DMD: variants seen among roughly 807,000 people sequenced by gnomAD.
DMD encodes dystrophin.
A neutral mutation model predicts 330.1 loss-of-function variants in DMD; 63 were observed. That is an observed-to-expected ratio of 0.19 (90% CI 0.16 to 0.24). The LOEUF is 0.24. Ranked by LOEUF, DMD falls within the 10% of genes least tolerant of loss-of-function variation. DMD has a pLI of 1.00. For synonymous variants in DMD, 1,223 were observed against 959.8 expected (o/e 1.27, Z -5.07); for missense variants, 3,344 against 2,684.1 (o/e 1.25, Z -5.43).
At chrX:32,937,838 T>C (rs1319673649) in intron 2 of DMD, among the ~76,000 whole-genome samples, 2 of 110,890 alleles carry the variant, frequency 1.8e-5, no homozygotes, top group Non-Finnish European at 3.8e-5. Flanking sequence ...TATAGATTTC[T>C]GGAGTAAAAC....
At chrX:33,074,884 T>C (rs2094815169) in intron 1 of DMD, among the ~76,000 whole-genome samples, 1 of 112,034 alleles carries the variant, frequency 8.9e-6, no homozygotes, top group Non-Finnish European at 1.9e-5. Flanking sequence ...AAGCTGCTCT[T>C]AATTATTCCT....
At chrX:32,504,636 T>A (rs2044429774) in intron 18 of DMD, among the ~76,000 whole-genome samples, 2 of 110,793 alleles carry the variant, frequency 1.8e-5, no homozygotes, top group South Asian at 7.6e-4. Flanking sequence ...CAAAAATAAA[T>A]AAATAAAATA....
intron 3 of DMD, among the ~76,000 whole-genome samples, chrX:32,848,381 C>CGTGTGT (rs1472619095): frequency 2.7e-4 from 30 of 111,763 alleles, no homozygotes; most frequent in Non-Finnish European, 5.3e-4. Context: ...GAATTACACA[C>CGTGTGT]AAATCTATCT....
intron 21 of DMD, among the ~76,000 whole-genome samples, chrX:32,483,876 AT>A (rs1184432037): frequency 2.9e-5 from 3 of 105,030 alleles, no homozygotes; most frequent in African/African-American, 1.0e-4. Context: ...AGCTCATTTC[AT>A]TTTTGTAAAA....
At position 32,852,340 on chromosome X, in the gene DMD, C is replaced by T. The variant is rs758281330; in HGVS notation, c.94-2520G>A. Among the ~76,000 whole-genome samples the T allele has an allele frequency of 5.4e-5, 6 of 111,407 alleles. No homozygotes were observed. The South Asian group carries it at 1.9e-3, about 36-fold the overall frequency. On this transcript the variant is annotated intron_variant, in intron 2 of 78. Coordinates refer to ENST00000357033, the MANE Select transcript of DMD (RefSeq NM_004006.3). Reference sequence around the variant, plus strand: ...AGAAGAATCCAGTCCTGGTAGAATTCGTCACCTGCTGACTAAAGAGTCCCT... The same window carrying T: ...AGAAGAATCCAGTCCTGGTAGAATTTGTCACCTGCTGACTAAAGAGTCCCT...
intron 21 of DMD, among the ~76,000 whole-genome samples, chrX:32,480,383 T>C (rs1338352960): frequency 9.2e-6 from 1 of 108,358 alleles, no homozygotes; most frequent in Non-Finnish European, 1.9e-5. Context: ...AATGTGTGTG[T>C]GTGTGTGTGT....
intron 44 of DMD, among the ~76,000 whole-genome samples, chrX:32,215,123 A>G (rs2097107642): frequency 9.0e-6 from 1 of 111,703 alleles, no homozygotes; most frequent in East Asian, 2.8e-4. Flanking sequence ...GGGATTAGCC[A>G]TAGATTAGAC....
intron 2 of DMD, among the ~76,000 whole-genome samples, chrX:32,876,391 C>T (rs747275707): frequency 2.7e-5 from 3 of 111,909 alleles, no homozygotes; most frequent in Non-Finnish European, 3.8e-5. Context: ...TTTCCTAAAC[C>T]GTTCTTGTAA....
At chrX:31,141,063 G>A (rs1293172951) in intron 76 of DMD, among the ~76,000 whole-genome samples, 3 of 110,993 alleles carry the variant, frequency 2.7e-5, no homozygotes, top group South Asian at 3.9e-4. Context: ...GCATGGTGGC[G>A]AGCCTGTAAT....
At chrX:31,475,354 T>A (rs1237427496) in intron 59 of DMD, among the ~76,000 whole-genome samples, 3 of 111,816 alleles carry the variant, frequency 2.7e-5, no homozygotes, top group Non-Finnish European at 5.6e-5. Context: ...GAAGGCCAGC[T>A]GATACTTGAA....
chrX:32,592,106 A>G (rs1055515382), intron 13 of DMD, among the ~76,000 whole-genome samples: 2 of 111,344 alleles, frequency 1.8e-5, no homozygotes, highest in Non-Finnish European at 3.8e-5. Context: ...TGCCTAGGCT[A>G]CATGGATGGC....
intron 67 of DMD, among the ~76,000 whole-genome samples, chrX:31,198,017 G>A (rs2043071907): frequency 1.3e-5 from 1 of 77,015 alleles, no homozygotes; most frequent in African/African-American, 4.7e-5. Context: ...ACTCATGTGT[G>A]GGAGCTAAAA....
intron 52 of DMD, among the ~76,000 whole-genome samples, chrX:31,712,719 T>C (rs758787258): frequency 9.0e-6 from 1 of 111,367 alleles, no homozygotes; most frequent in African/African-American, 3.3e-5. Flanking sequence ...TCAGGACTTA[T>C]GCTGTGTAAG....
In DMD at chrX:31,951,143, GTA is replaced by G. The variant is rs796324072; in HGVS notation, c.6614+17194_6614+17195del. On this transcript the variant is annotated intron_variant, in intron 45 of 78. Transcript: ENST00000357033. Reference sequence around the variant, plus strand: ...TATACATATATATATATATATATGTGTATATATATATATATGTATATATATAT... The same window carrying G: ...TATACATATATATATATATATATGTGTATATATATATATGTATATATATAT... 6.6e-3 allele frequency among the ~76,000 whole-genome samples: 490 copies of G among 74,277 alleles called. 4 individuals carry two copies. Among genetic ancestry groups the G allele is most frequent in the East Asian group, 0.043 (118 of 2,774 alleles). 64.5% of individuals were successfully genotyped at this position (74,277 alleles called of 115,157 possible).
intron 9 of DMD, among the ~76,000 whole-genome samples, chrX:32,679,247 A>G (rs1223851421): frequency 1.8e-5 from 2 of 111,620 alleles, no homozygotes; most frequent in Non-Finnish European, 3.8e-5. Flanking sequence ...CCACAGGGGA[A>G]GTTAATAGAA....
chrX:32,879,018 CAAA>C (rs1201402428), intron 2 of DMD, among the ~76,000 whole-genome samples: 1 of 95,332 alleles, frequency 1.0e-5, no homozygotes, highest in Admixed American at 1.1e-4. Context: ...AAAAAAAAAA[CAAA>C]AAACAAAAAA....
At chrX:32,232,453 T>C (rs909762723) in intron 43 of DMD, among the ~76,000 whole-genome samples, 3 of 111,296 alleles carry the variant, frequency 2.7e-5, no homozygotes, top group Non-Finnish European at 3.8e-5. Context: ...AGCCTGTATG[T>C]AACTGTGGGA....
intron 55 of DMD, among the ~76,000 whole-genome samples, chrX:31,580,484 A>C (rs1284730744): frequency 3.6e-5 from 4 of 111,842 alleles, no homozygotes; most frequent in East Asian, 2.8e-4. Flanking sequence ...GCCCAGTCAG[A>C]GCAGATAAAC....
At chrX:31,590,198 C>G (rs753551139) in intron 55 of DMD, among the ~76,000 whole-genome samples, 4 of 110,853 alleles carry the variant, frequency 3.6e-5, no homozygotes, top group Non-Finnish European at 7.6e-5. Context: ...ATCTAGAAGG[C>G]CCTTGATAAT....
Sources: gnomAD v4.1 joint callset for allele counts (sites outside exome capture counted in the v4.1 genomes callset) on GRCh38, gnomAD v4.1.1 for gene constraint, MANE v1.5 for transcripts, NCBI Gene and HGNC (gene_info 2026-07-23, HGNC 2026-07-21) for gene names.